Variants in CPA6 observed in about 807,000 individuals in gnomAD.
CPA6 encodes carboxypeptidase B.
CPA6 carries 58 observed loss-of-function variants against 63.3 expected under a neutral mutation model. The ratio of observed to expected loss-of-function variants is 0.92; its 90% CI spans 0.74 to 1.14. The LOEUF (loss-of-function observed/expected upper bound fraction) is 1.14. Among genes scored for constraint, CPA6 ranks in the 50% most tolerant of loss-of-function variants. The pLI, the probability that CPA6 is intolerant of heterozygous loss-of-function variation, is 0.00. For synonymous variants in CPA6, 185 were observed against 179.0 expected, an observed-to-expected ratio of 1.03 and a Z score of -0.27; for missense variants, 565 against 526.6, an observed-to-expected ratio of 1.07 and a Z score of -0.71.
intron 1 of CPA6, among the ~76,000 whole-genome samples, chr8:67,672,174 T>C (rs1419919682): frequency 6.6e-6 from 1 of 152,208 alleles, no homozygotes; most frequent in African/African-American, 2.4e-5. Context: ...TCATTATCAG[T>C]TTAATGGCAT....
At chr8:67,687,638 G>C (rs1006027892) in intron 1 of CPA6, among the ~76,000 whole-genome samples, 3 of 152,136 alleles carry the variant, frequency 2.0e-5, no homozygotes, top group African/African-American at 7.2e-5. Flanking sequence ...TGTATCTAAT[G>C]AGCTGCAATA....
intron 2 of CPA6, among the ~76,000 whole-genome samples, chr8:67,549,428 C>T (rs750506237): frequency 3.3e-5 from 5 of 152,156 alleles, no homozygotes; most frequent in Non-Finnish European, 1.5e-5. Flanking sequence ...ACAATCTATG[C>T]CATAAACATA....
intron 2 of CPA6, among the ~76,000 whole-genome samples, chr8:67,590,966 T>A (rs1814105562): frequency 1.3e-5 from 2 of 152,236 alleles, no homozygotes; most frequent in Non-Finnish European, 2.9e-5. Context: ...TGCCCATGCC[T>A]ATGTTCTGAA....
intron 2 of CPA6, among the ~76,000 whole-genome samples, chr8:67,575,414 T>A (rs1020692114): frequency 6.6e-6 from 1 of 152,230 alleles, no homozygotes; most frequent in African/African-American, 2.4e-5. Context: ...AAAGTCAGTA[T>A]GTCAAAGACA....
chr8:67,529,853 G>T (rs192805756), intron 2 of CPA6, among the ~76,000 whole-genome samples: 1 of 152,242 alleles, frequency 6.6e-6, no homozygotes, highest in African/African-American at 2.4e-5. Context: ...AGCCATGTAT[G>T]CCAGTCTTCC....
At chr8:67,428,969 A>G (rs1809957656) in intron 9 of CPA6, among the ~76,000 whole-genome samples, 1 of 152,224 alleles carries the variant, frequency 6.6e-6, no homozygotes, top group African/African-American at 2.4e-5. Flanking sequence ...ATTGATTCTT[A>G]AGTATATATT....
chr8:67,596,493 T>G (rs1814338835), intron 2 of CPA6, among the ~76,000 whole-genome samples: 1 of 152,114 alleles, frequency 6.6e-6, no homozygotes, highest in Non-Finnish European at 1.5e-5. Flanking sequence ...TGTCATTGCC[T>G]CTTTGTAGTT....
At chr8:67,657,005 T>C (rs1816001102) in intron 1 of CPA6, among the ~76,000 whole-genome samples, 1 of 152,214 alleles carries the variant, frequency 6.6e-6, no homozygotes, top group Non-Finnish European at 1.5e-5. Flanking sequence ...TGATCCTATG[T>C]TCTATTTCTA....
chr8:67,509,709 C>T (rs1231482346), intron 4 of CPA6, 91 bp from the exon 5 acceptor site: 6 of 619,776 alleles, frequency 9.7e-6, no homozygotes, highest in Non-Finnish European at 1.7e-5. Flanking sequence ...AACAGTAGTT[C>T]TCCGAATTCA....
At chr8:67,712,404 C>G (rs915554100) in intron 1 of CPA6, among the ~76,000 whole-genome samples, 1 of 152,154 alleles carries the variant, frequency 6.6e-6, no homozygotes, top group African/African-American at 2.4e-5. Flanking sequence ...AGCACAGCTT[C>G]CCAGGCTGCT....
chr8:67,695,476 A>C (rs1816896874), intron 1 of CPA6, among the ~76,000 whole-genome samples: 1 of 152,204 alleles, frequency 6.6e-6, no homozygotes, highest in Non-Finnish European at 1.5e-5. Context: ...TTTGGATATA[A>C]ATTCGCCTTC....
intron 5 of CPA6, among the ~76,000 whole-genome samples, chr8:67,508,860 T>C (rs761627259): frequency 9.2e-5 from 14 of 152,140 alleles, no homozygotes; most frequent in Non-Finnish European, 1.8e-4. Flanking sequence ...CATTAGTTAG[T>C]TCTCATGTCG....
chr8:67,586,291 G>C (rs189309687), intron 2 of CPA6, among the ~76,000 whole-genome samples: 1 of 152,072 alleles, frequency 6.6e-6, no homozygotes, highest in Non-Finnish European at 1.5e-5. Flanking sequence ...CTACTGAGCC[G>C]CCAATAGGGG....
At chr8:67,649,590 A>G (rs1223790936) in intron 1 of CPA6, among the ~76,000 whole-genome samples, 3 of 152,174 alleles carry the variant, frequency 2.0e-5, no homozygotes, top group Non-Finnish European at 4.4e-5. Context: ...AACGAAGGCA[A>G]TGATTATTTG....
rs149111182 is a variant in CPA6, at chr8:67,439,214, G to A, written c.839-4974C>T. Among the ~76,000 whole-genome samples, 602 of 152,068 alleles carry A rather than the reference G, an allele frequency of 4.0e-3. 3 individuals carry two copies. Among genetic ancestry groups the A allele is most frequent in the African/African-American group, 0.014 (579 of 41,504 alleles). ...GAAAGGCAGAGGCAGGATTGCCTGAGCCTGGGAGTTTGAGGTTACAGTGAG... is the reference window on the plus strand; with the variant it reads ...GAAAGGCAGAGGCAGGATTGCCTGAACCTGGGAGTTTGAGGTTACAGTGAG... On this transcript the variant is annotated intron_variant, in intron 8 of 10. Transcript: ENST00000297770.
intron 1 of CPA6, among the ~76,000 whole-genome samples, chr8:67,740,868 C>A (rs952160415): frequency 1.3e-5 from 2 of 152,004 alleles, no homozygotes; most frequent in African/African-American, 4.8e-5. Context: ...CCGTGCCTGG[C>A]CCCAAACTAC....
Position 67,617,140 on chromosome 8 carries a change from A to G in CPA6, c.192+7036T>C, listed in dbSNP as rs541070357. On this transcript the variant is annotated intron_variant, in intron 2 of 10. Coordinates refer to ENST00000297770, the MANE Select transcript of CPA6 (RefSeq NM_020361.5). The stretch of plus-strand genomic sequence containing the variant: ...ACTGCATAAGCCGAAGGTCATGTCA[A>G]TTCAGTTGAGTAAATTAAATAAAGG... Among the ~76,000 whole-genome samples the G allele has an allele frequency of 5.3e-5, 8 of 152,352 alleles. No homozygotes were observed. In the East Asian group the frequency reaches 1.5e-3, roughly 29 times the overall value.
intron 1 of CPA6, among the ~76,000 whole-genome samples, chr8:67,711,476 G>A (rs977574801): frequency 2.0e-5 from 3 of 152,156 alleles, no homozygotes; most frequent in African/African-American, 7.2e-5. Flanking sequence ...TTGGGCTGGT[G>A]ATGAAATTAA....
intron 1 of CPA6, among the ~76,000 whole-genome samples, chr8:67,723,688 T>G (rs180804808): frequency 6.1e-4 from 93 of 152,352 alleles, no homozygotes; most frequent in Non-Finnish European, 1.0e-3. Context: ...TCTTTGCATA[T>G]TCTCTTCTGT....
Sources: gnomAD v4.1 joint callset for allele counts (sites outside exome capture counted in the v4.1 genomes callset) on GRCh38, gnomAD v4.1.1 for gene constraint, MANE v1.5 for transcripts, NCBI Gene and HGNC (gene_info 2026-07-23, HGNC 2026-07-21) for gene names.